The following RYR2 variants were observed in gnomAD, a reference collection of about 807,000 sequenced individuals.
RYR2 encodes ryanodine receptor 2, also known as cardiac muscle ryanodine receptor-calcium release channel.
In RYR2, 227 loss-of-function variants were observed where a neutral mutation model predicts 601.1. The ratio of observed to expected loss-of-function variants is 0.38; its 90% CI spans 0.34 to 0.42. The LOEUF (loss-of-function observed/expected upper bound fraction) is 0.42, where lower values mean the gene tolerates loss of function less well. Among genes scored for constraint, RYR2 ranks in the 10% least tolerant of loss-of-function variants. The pLI is 1.00. For synonymous variants in RYR2, 2,223 were observed against 2,175.1 expected (o/e 1.02, Z -0.61); for missense variants, 4,646 against 6,156.5 (o/e 0.75, Z 8.21).
intron 65 of RYR2, among the ~76,000 whole-genome samples, chr1:237,700,843 T>C (rs1687906071): frequency 6.6e-6 from 1 of 152,220 alleles, no homozygotes; most frequent in Non-Finnish European, 1.5e-5. Flanking sequence ...ATGTAGATTG[T>C]TTCTCCAAGC....
At chr1:237,516,008 T>G (rs2147814067) in intron 24 of RYR2, among the ~76,000 whole-genome samples, 1 of 150,626 alleles carries the variant, frequency 6.6e-6, no homozygotes, top group South Asian at 2.1e-4. Flanking sequence ...CTCTTCTTCT[T>G]CTTCTCTTTA....
intron 98 of RYR2, among the ~76,000 whole-genome samples, chr1:237,804,169 A>T (rs1307297258): frequency 1.3e-5 from 2 of 151,952 alleles, no homozygotes; most frequent in East Asian, 3.9e-4. Context: ...GTGGCACTCA[A>T]GTTCCTGTGG....
intron 53 of RYR2, among the ~76,000 whole-genome samples, chr1:237,657,385 C>T (rs1187024875): frequency 2.0e-5 from 3 of 151,654 alleles, no homozygotes; most frequent in Non-Finnish European, 4.4e-5. Flanking sequence ...ACGTTTTAAG[C>T]CTTAGATTTA....
At chr1:237,423,303 T>C in intron 12 of RYR2, 55 bp downstream of exon 12, 2 of 1,555,910 alleles carry the variant, frequency 1.3e-6, no homozygotes, top group Non-Finnish European at 1.7e-6. Flanking sequence ...CATATTTCCT[T>C]TGATGTTAGA....
intron 1 of RYR2, among the ~76,000 whole-genome samples, chr1:237,074,236 G>A (rs1166806101): frequency 6.6e-6 from 1 of 152,084 alleles, no homozygotes; most frequent in Non-Finnish European, 1.5e-5. Context: ...AGGACCATTT[G>A]AGCCCAGGAG....
intron 20 of RYR2, among the ~76,000 whole-genome samples, 153 bp downstream of exon 20, chr1:237,496,905 C>T (rs1464766403): frequency 6.6e-6 from 1 of 152,108 alleles, no homozygotes; most frequent in Non-Finnish European, 1.5e-5. Flanking sequence ...TGTTGAGGAA[C>T]AAGCAGTATT....
intron 41 of RYR2, 34 bp downstream of exon 41, chr1:237,628,114 G>A (rs199569024): frequency 3.4e-5 from 54 of 1,601,434 alleles, no homozygotes; most frequent in African/African-American, 1.6e-4. Context: ...CCTTTGTCTC[G>A]TAAATGTTTT....
At chr1:237,195,150 A>G (rs888779114) in intron 1 of RYR2, among the ~76,000 whole-genome samples, 2 of 152,246 alleles carry the variant, frequency 1.3e-5, no homozygotes, top group African/African-American at 4.8e-5. Context: ...GAACGTGCTC[A>G]TTGTATACAT....
Position 237,693,717 on chromosome 1 carries a change from C to A in RYR2, c.9068-5248C>A, listed in dbSNP as rs76723403. ...TTTTTTTCTAGGTGAGTATGCCTGA[C>A]TTATACCAGTAGATAAATCTTAATG... On this transcript the variant is annotated intron_variant, in intron 63 of 104. Transcript: ENST00000366574. 9.4e-3 allele frequency among the ~76,000 whole-genome samples: 1,426 copies of A among 152,192 alleles called. 18 individuals are homozygous for A. Among genetic ancestry groups the A allele is most frequent in the South Asian group, 0.058 (282 of 4,826 alleles).
intron 1 of RYR2, among the ~76,000 whole-genome samples, chr1:237,065,895 G>A (rs1287798534): frequency 6.6e-6 from 1 of 152,192 alleles, no homozygotes; most frequent in Non-Finnish European, 1.5e-5. Context: ...AGGAGGAAGT[G>A]TGGGGAAGGT....
chr1:237,106,618 A>G lies in RYR2; in HGVS notation c.48+64049A>G, dbSNP rs943417831. The stretch of plus-strand genomic sequence containing the variant: ...TGTGGACTTCTGGAGAGAGGGCTGA[A>G]ACTGTCCTTGAAAAAATGGATTTCT... On this transcript the variant is annotated intron_variant, in intron 1 of 104. Coordinates refer to ENST00000366574, the MANE Select transcript of RYR2 (RefSeq NM_001035.3). This position sits in a 1 kb window ranked among gnomAD's most constrained non-coding sequence, Gnocchi z 4.4. 1.3e-5 allele frequency among the ~76,000 whole-genome samples: 2 copies of G among 152,164 alleles called. No individual in the cohort carries two copies. Among genetic ancestry groups the G allele is most frequent in the African/African-American group, 4.8e-5 (2 of 41,432 alleles).
At chr1:237,640,807 A>C in intron 46 of RYR2, 90 bp from the exon 47 acceptor site, 1 of 976,644 alleles carries the variant, frequency 1.0e-6, no homozygotes, top group East Asian at 2.6e-5. Flanking sequence ...TGTGTTACCT[A>C]GTAGTCCCTT....
At chr1:237,821,682 A>C (rs1662519135) in intron 101 of RYR2, among the ~76,000 whole-genome samples, 1 of 152,036 alleles carries the variant, frequency 6.6e-6, no homozygotes, top group Admixed American at 6.5e-5. Context: ...AGTTTGACAA[A>C]TTGACAGAAG....
chr1:237,572,240 T>C (rs930411332), intron 29 of RYR2, among the ~76,000 whole-genome samples: 1 of 152,190 alleles, frequency 6.6e-6, no homozygotes, highest in Non-Finnish European at 1.5e-5. Context: ...TGGCTGCTAC[T>C]ATGGATGTGA....
intron 78 of RYR2, 102 bp from the exon 79 acceptor site, chr1:237,733,603 C>G: frequency 1.3e-6 from 1 of 760,642 alleles, no homozygotes. Context: ...AAAAGGTATA[C>G]TTGTTAGAAA....
At chr1:237,579,963 G>A (rs1053374792) in intron 29 of RYR2, among the ~76,000 whole-genome samples, 1 of 151,982 alleles carries the variant, frequency 6.6e-6, no homozygotes, top group Non-Finnish European at 1.5e-5. Flanking sequence ...AAACGCAGAT[G>A]ATATCTGATT....
intron 16 of RYR2, 143 bp from the exon 17 acceptor site, chr1:237,468,949 C>T (rs921558761): frequency 9.1e-5 from 56 of 616,490 alleles, no homozygotes; most frequent in Admixed American, 4.1e-4. Context: ...TGTATATGTA[C>T]GTGTATGTAT....
intron 1 of RYR2, among the ~76,000 whole-genome samples, chr1:237,073,434 C>T (rs1664626712): frequency 6.6e-6 from 1 of 152,134 alleles, no homozygotes; most frequent in Admixed American, 6.5e-5. Flanking sequence ...CAGAGCCCCG[C>T]TGTCCAGTAT....
At chr1:237,146,904 C>T (rs1486551227) in intron 1 of RYR2, among the ~76,000 whole-genome samples, 1 of 152,114 alleles carries the variant, frequency 6.6e-6, no homozygotes, top group Non-Finnish European at 1.5e-5. Context: ...AGAATAATTG[C>T]CTGCTTATAA....
Sources: allele counts gnomAD v4.1 joint callset (sites outside exome capture counted in the v4.1 genomes callset), GRCh38; gene constraint gnomAD v4.1.1; non-coding constraint Gnocchi (gnomAD v3.1); transcripts MANE v1.5; gene names NCBI Gene and HGNC (gene_info 2026-07-23, HGNC 2026-07-21).